The following PHKB variants were observed in gnomAD, a reference collection of about 807,000 sequenced individuals.
PHKB encodes the protein phosphorylase kinase regulatory subunit beta.
In PHKB, 122 loss-of-function variants were observed where a neutral mutation model predicts 152.1. That is an observed-to-expected ratio of 0.80 (90% confidence interval 0.69 to 0.93). The LOEUF (loss-of-function observed/expected upper bound fraction) is 0.93, where lower values mean the gene tolerates loss of function less well. Ranked by LOEUF, PHKB falls within the 40% of genes least tolerant of loss-of-function variation. The pLI is 0.00. For synonymous variants in PHKB, 436 were observed against 464.9 expected, an observed-to-expected ratio of 0.94 and a Z score of 0.80; for missense variants, 1,304 against 1,328.4, an observed-to-expected ratio of 0.98 and a Z score of 0.29.
intron 7 of PHKB, among the ~76,000 whole-genome samples, chr16:47,571,105 T>A (rs11640636): frequency 3.3e-5 from 5 of 152,260 alleles, no homozygotes; most frequent in Non-Finnish European, 7.4e-5. Flanking sequence ...AGGTGCTGGT[T>A]TTAGTAGTAG....
intron 20 of PHKB, among the ~76,000 whole-genome samples, chr16:47,655,746 CT>C (rs1005788612): frequency 6.6e-6 from 1 of 152,184 alleles, no homozygotes; most frequent in African/African-American, 2.4e-5. Context: ...ATCTAATCTT[CT>C]CATTTTACAA....
intron 14 of PHKB, among the ~76,000 whole-genome samples, chr16:47,636,718 A>G (rs1206373683): frequency 1.3e-5 from 2 of 152,178 alleles, no homozygotes; most frequent in East Asian, 1.9e-4. Flanking sequence ...CGGTGGGGCT[A>G]AGGGCAGCTT....
At chr16:47,497,347 T>G in intron 1 of PHKB, 52 bp from the exon 2 acceptor site, 2 of 1,135,140 alleles carry the variant, frequency 1.8e-6, no homozygotes, top group Non-Finnish European at 2.6e-6. Flanking sequence ...TTTTTCTTTG[T>G]TTATCTTTGT....
At chr16:47,564,658 A>G (rs1230133036) in intron 7 of PHKB, among the ~76,000 whole-genome samples, 2 of 152,170 alleles carry the variant, frequency 1.3e-5, no homozygotes, top group African/African-American at 4.8e-5. Flanking sequence ...GGTCTTAGTC[A>G]TAAGTTCTTT....
rs1974233672 is a variant in PHKB, at chr16:47,700,684, T to G, written c.*1318T>G. On this transcript the variant is annotated 3_prime_UTR_variant, in exon 31 of 31. Coordinates refer to ENST00000323584, the MANE Select transcript of PHKB (RefSeq NM_000293.3). ...CCTAAATAGAAAAAAAAAAGGCCCA[T>G]GAGTTTGAGCCCTTGCCCCAAAGAG... 1 of 151,878 alleles carries G rather than the reference T, an allele frequency of 6.6e-6. No homozygotes were observed. Among genetic ancestry groups the G allele is most frequent in the South Asian group, 2.1e-4 (1 of 4,816 alleles). The allele number at this position is 151,878 out of a possible 1,614,324, so 9.4% of individuals were successfully genotyped here.
intron 7 of PHKB, among the ~76,000 whole-genome samples, chr16:47,553,312 C>T (rs531369150): frequency 2.6e-5 from 4 of 151,814 alleles, no homozygotes; most frequent in Admixed American, 6.6e-5. Context: ...TCCTTTCTTC[C>T]GCTTGATCGA....
intron 1 of PHKB, among the ~76,000 whole-genome samples, chr16:47,478,466 A>ATTTTTTTTTTT (rs199656987): frequency 7.8e-6 from 1 of 127,892 alleles, no homozygotes; most frequent in African/African-American, 3.1e-5. Context: ...TTGCTGTGAA[A>ATTTTTTTTTTT]TTTTTTTTTT....
At chr16:47,476,332 A>G (rs961613043) in intron 1 of PHKB, among the ~76,000 whole-genome samples, 2 of 152,122 alleles carry the variant, frequency 1.3e-5, no homozygotes, top group African/African-American at 4.8e-5. Flanking sequence ...ATCTTTTTAT[A>G]TAAATTTCTT....
intron 6 of PHKB, among the ~76,000 whole-genome samples, chr16:47,527,563 A>G (rs1273683161): frequency 1.3e-5 from 2 of 152,200 alleles, no homozygotes; most frequent in African/African-American, 2.4e-5. Flanking sequence ...CACGGCAATA[A>G]ATTTTAAAAC....
In PHKB at chr16:47,499,795, G is replaced by A; in HGVS notation, c.206G>A (p.Gly69Asp). The change falls in exon 3 of 31, where the codon GGT becomes GAT. Residue 69 changes from glycine (G) to aspartate (D), a missense_variant. Physicochemically the swap from Gly to Asp is moderately conservative, Grantham distance 94 (BLOSUM62 -1). Transcript: ENST00000323584. ...CTGCTGTATCAAAGTCCAACTACCG[G>A]TCTCTTTCCCACTAAAACATGCGGT... ...TLLLYQSPTT[G>D]LFPTKTCGGD... 1 of 1,614,172 alleles carries A rather than the reference G, an allele frequency of 6.2e-7. No individual in the cohort carries two copies. The highest frequency in any genetic ancestry group is 8.5e-7 in the Non-Finnish European group (1 of 1,180,020).
intron 14 of PHKB, among the ~76,000 whole-genome samples, chr16:47,629,979 A>T (rs1363553295): frequency 6.6e-6 from 1 of 151,104 alleles, no homozygotes; most frequent in Non-Finnish European, 1.5e-5. Flanking sequence ...AACAATGAGA[A>T]CACATGGACA....
At chr16:47,645,762 A>G (rs1454383971) in intron 16 of PHKB, among the ~76,000 whole-genome samples, 11 of 150,196 alleles carry the variant, frequency 7.3e-5, no homozygotes, top group African/African-American at 2.7e-4. Flanking sequence ...TTATGCAGCC[A>G]AAAAACACAT....
In PHKB at chr16:47,533,618, T is replaced by C. The variant is rs1051110367; in HGVS notation, c.595-13815T>C. 3.3e-5 allele frequency among the ~76,000 whole-genome samples: 5 copies of C among 152,312 alleles called. No individual in the cohort carries two copies. The South Asian group carries it at 6.2e-4, about 19-fold the overall frequency. On this transcript the variant is annotated intron_variant, in intron 6 of 30. Coordinates refer to ENST00000323584, the MANE Select transcript of PHKB (RefSeq NM_000293.3). ...ATGTGCACACTTGGCTGGGCTGTTA[T>C]AGCATCTGGGCTCAACCCTGACTTT...
intron 1 of PHKB, among the ~76,000 whole-genome samples, chr16:47,468,956 T>A (rs1315682613): frequency 1.3e-5 from 2 of 152,220 alleles, no homozygotes; most frequent in Non-Finnish European, 2.9e-5. Context: ...ATGTAGCCTC[T>A]TTAGAAAGGC....
chr16:47,463,949 C>A, intron 1 of PHKB: 1 of 1,614,048 alleles, frequency 6.2e-7, no homozygotes, highest in Non-Finnish European at 8.5e-7. Flanking sequence ...ATGGCCTGCT[C>A]ACCTGATGCA....
intron 26 of PHKB, among the ~76,000 whole-genome samples, chr16:47,681,528 C>T (rs1372185427): frequency 5.9e-5 from 9 of 151,526 alleles, no homozygotes; most frequent in African/African-American, 9.7e-5. Flanking sequence ...TATGTAATGG[C>T]GTTCTTTGTC....
intron 7 of PHKB, among the ~76,000 whole-genome samples, chr16:47,577,179 T>A (rs1971764019): frequency 6.6e-6 from 1 of 152,170 alleles, no homozygotes; most frequent in Non-Finnish European, 1.5e-5. Context: ...GTTTTGATTG[T>A]ATCATTTTGT....
rs13336440 is a variant in PHKB at position 47,583,626 on chromosome 16, G to A, written c.774+3268G>A. Among the ~76,000 whole-genome samples the A allele has an allele frequency of 4.2e-3, 633 of 152,220 alleles. 6 individuals are homozygous for A. Among genetic ancestry groups the A allele is most frequent in the African/African-American group, 0.015 (604 of 41,546 alleles). ...TGGTGGCAACTCAAGAGAGATGGTAGAGCCCCTCTCTCAAAATGAATGATC... is the reference window on the plus strand; with the variant it reads ...TGGTGGCAACTCAAGAGAGATGGTAAAGCCCCTCTCTCAAAATGAATGATC... On this transcript the variant is annotated intron_variant, in intron 8 of 30. Coordinates refer to ENST00000323584, the MANE Select transcript of PHKB (RefSeq NM_000293.3).
chr16:47,527,020 T>C (rs1013412299), intron 6 of PHKB, among the ~76,000 whole-genome samples: 11 of 151,938 alleles, frequency 7.2e-5, no homozygotes, highest in Admixed American at 3.3e-4. Flanking sequence ...GGTGCCACAG[T>C]CTTAAACCAC....
Sources: allele counts gnomAD v4.1 joint callset (sites outside exome capture counted in the v4.1 genomes callset), GRCh38; gene constraint gnomAD v4.1.1; transcripts MANE v1.5; gene names NCBI Gene and HGNC (gene_info 2026-07-23, HGNC 2026-07-21).